The following CDCA2 variants were observed in gnomAD, a reference collection of about 807,000 sequenced individuals.
The protein encoded by CDCA2 is cell division cycle associated 2.
A neutral mutation model predicts 67.0 loss-of-function variants in CDCA2; 44 were observed. That is an observed-to-expected ratio of 0.66 (90% CI 0.52 to 0.84). The LOEUF (loss-of-function observed/expected upper bound fraction) is 0.84, where lower values mean the gene tolerates loss of function less well. Ranked by LOEUF, CDCA2 falls within the 40% of genes least tolerant of loss-of-function variation. CDCA2 has a pLI of 0.00. For synonymous variants in CDCA2, 447 were observed against 418.7 expected (o/e 1.07, Z -0.82); for missense variants, 1,253 against 1,203.2 (o/e 1.04, Z -0.61).
In CDCA2 at chr8:25,484,081, T is replaced by G. The variant is rs780232178; in HGVS notation, c.1236T>G (p.Thr412=). The stretch of plus-strand genomic sequence containing the variant: ...TTGATGAATCTTTGCCAGCAAATAC[T>G]CCATTGCGTAAAGGAGGAACACCTG... ...EVFDESLPAN[T]PLRKGGTPVC... Residue 412 remains threonine, a synonymous_variant, in exon 10 of 15, where the codon ACT becomes ACG. Coordinates refer to ENST00000330560, the MANE Select transcript of CDCA2 (RefSeq NM_152562.4). The G allele has an allele frequency of 1.9e-5, 30 of 1,614,076 alleles. No individual in the cohort carries two copies. The African/African-American group carries it at 3.7e-4, about 20-fold the overall frequency.
chr8:25,476,981 T>C (rs1314471812), intron 7 of CDCA2, among the ~76,000 whole-genome samples: 1 of 152,190 alleles, frequency 6.6e-6, no homozygotes, highest in Non-Finnish European at 1.5e-5. Flanking sequence ...CTGTAAAATA[T>C]CCCATCTTAA....
chr8:25,503,595 C>T, intron 14 of CDCA2, 51 bp downstream of exon 14: 1 of 1,528,368 alleles, frequency 6.5e-7, no homozygotes. Flanking sequence ...TCTTCACCCT[C>T]TTTGTTGCTA....
chr8:25,497,492 T>TAAAAA (rs535097107), intron 13 of CDCA2, among the ~76,000 whole-genome samples: 7 of 34,230 alleles, frequency 2.0e-4, no homozygotes, highest in South Asian at 8.1e-4. Context: ...GTGGAATCTT[T>TAAAAA]AAAAAATAAA....
chr8:25,468,560 T>TGTGTGTGC, intron 6 of CDCA2, 147 bp downstream of exon 6: 4 of 431,082 alleles, frequency 9.3e-6, no homozygotes, highest in South Asian at 8.4e-5. Flanking sequence ...TGTGTGTGCG[T>TGTGTGTGC]GTGTGTGTGT....
At position 25,470,379 on chromosome 8, in the gene CDCA2, T is replaced by G. The variant is rs188977279; in HGVS notation, c.820+399T>G. On this transcript the variant is annotated intron_variant, in intron 7 of 14. Transcript: ENST00000330560. ...TGGGTGAACATTACTAGCAAGGGTTTAGATTGACTTTTTTTCTACTTGGGT... is the reference window on the plus strand; with the variant it reads ...TGGGTGAACATTACTAGCAAGGGTTGAGATTGACTTTTTTTCTACTTGGGT... Among the ~76,000 whole-genome samples, 34 of 152,336 alleles carry G rather than the reference T, an allele frequency of 2.2e-4. No individual in the cohort carries two copies. In the East Asian group the frequency reaches 5.8e-3, roughly 26 times the overall value.
chr8:25,473,626 A>T (rs1352580289), intron 7 of CDCA2, among the ~76,000 whole-genome samples: 2 of 152,326 alleles, frequency 1.3e-5, no homozygotes, highest in East Asian at 3.9e-4. Flanking sequence ...TGGGACCATA[A>T]CAGAATATGA....
chr8:25,464,951 T>C (rs1802840144), intron 4 of CDCA2, among the ~76,000 whole-genome samples: 1 of 152,156 alleles, frequency 6.6e-6, no homozygotes, highest in African/African-American at 2.4e-5. Context: ...CTTCACGATA[T>C]GAACTGCTTT....
chr8:25,466,423 C>A, intron 5 of CDCA2, 98 bp downstream of exon 5: 1 of 1,105,166 alleles, frequency 9.0e-7, no homozygotes, highest in Non-Finnish European at 1.2e-6. Context: ...CTTTTCAGAA[C>A]ACAGGTATAT....
chr8:25,495,814 C>T (rs1435174302), intron 13 of CDCA2, among the ~76,000 whole-genome samples: 1 of 152,086 alleles, frequency 6.6e-6, no homozygotes, highest in Non-Finnish European at 1.5e-5. Flanking sequence ...TAGAATAAAG[C>T]AAATAAGCAA....
chr8:25,493,820 A>T (rs996451282), intron 13 of CDCA2, among the ~76,000 whole-genome samples: 1 of 152,102 alleles, frequency 6.6e-6, no homozygotes, highest in African/African-American at 2.4e-5. Context: ...GCTAAAGCAG[A>T]CCTCTGTGGA....
intron 13 of CDCA2, among the ~76,000 whole-genome samples, chr8:25,498,027 C>A (rs533011785): frequency 6.6e-6 from 1 of 152,032 alleles, no homozygotes; most frequent in South Asian, 2.1e-4. Flanking sequence ...AAAAAGGAGC[C>A]ATAGAATAAA....
At chr8:25,472,796 G>A (rs1204255648) in intron 7 of CDCA2, among the ~76,000 whole-genome samples, 1 of 151,936 alleles carries the variant, frequency 6.6e-6, no homozygotes, top group Non-Finnish European at 1.5e-5. Flanking sequence ...ATACAATGTG[G>A]CATTATTAAA....
In CDCA2 at chr8:25,506,531, A is replaced by T; in HGVS notation, c.1865A>T (p.Lys622Ile). 6.3e-7 allele frequency: 1 copy of T among 1,575,014 alleles called. No homozygotes were observed. Among genetic ancestry groups the T allele is most frequent in the Non-Finnish European group, 8.6e-7 (1 of 1,167,800 alleles). ...LGSGYFSSNG[K>I]LEEVKTPKNP... ...ATAGGTTATTTCAGTTCAAATGGCAAACTGGAAGAAGTGAAGACTCCTAAA... is the reference window on the plus strand; with the variant it reads ...ATAGGTTATTTCAGTTCAAATGGCATACTGGAAGAAGTGAAGACTCCTAAA... Residue 622 changes from lysine to isoleucine, a missense_variant, in exon 15 of 15, where the codon AAA becomes ATA. Coordinates refer to ENST00000330560, the MANE Select transcript of CDCA2 (RefSeq NM_152562.4).
At chr8:25,462,954 C>T (rs1009750570) in intron 4 of CDCA2, among the ~76,000 whole-genome samples, 1 of 152,162 alleles carries the variant, frequency 6.6e-6, no homozygotes, top group Non-Finnish European at 1.5e-5. Flanking sequence ...CAGGTGTGTG[C>T]CACAGTGCTC....
intron 1 of CDCA2, among the ~76,000 whole-genome samples, 159 bp from the exon 2 acceptor site, chr8:25,460,081 T>G (rs879305669): frequency 6.6e-6 from 1 of 152,248 alleles, no homozygotes; most frequent in Admixed American, 6.5e-5. Context: ...ATACATCTAC[T>G]GTATACCCAC....
intron 7 of CDCA2, among the ~76,000 whole-genome samples, chr8:25,475,225 A>G (rs912626118): frequency 1.3e-5 from 2 of 152,194 alleles, no homozygotes; most frequent in African/African-American, 4.8e-5. Context: ...TAGTAAGTAG[A>G]ATGCAAATAT....
chr8:25,494,494 T>C (rs1804133119), intron 13 of CDCA2, among the ~76,000 whole-genome samples: 1 of 152,234 alleles, frequency 6.6e-6, no homozygotes, highest in Non-Finnish European at 1.5e-5. Context: ...AAAGGAAGTT[T>C]ACATATGCTC....
At chr8:25,487,154 G>A in intron 11 of CDCA2, 92 bp from the exon 12 acceptor site, 1 of 771,442 alleles carries the variant, frequency 1.3e-6, no homozygotes. Flanking sequence ...TGGTATTAAA[G>A]GTGGATATCC....
chr8:25,470,402 G>T (rs1043443496), intron 7 of CDCA2, among the ~76,000 whole-genome samples: 9 of 151,824 alleles, frequency 5.9e-5, no homozygotes, highest in Non-Finnish European at 1.0e-4. Context: ...TTTCTACTTG[G>T]GTCTTTAAAA....
Sources: gnomAD v4.1 joint callset for allele counts (sites outside exome capture counted in the v4.1 genomes callset) on GRCh38, gnomAD v4.1.1 for gene constraint, MANE v1.5 for transcripts, NCBI Gene and HGNC (gene_info 2026-07-23, HGNC 2026-07-21) for gene names.